The following DPYSL2 variants were observed in gnomAD, a reference collection of about 807,000 sequenced individuals.
DPYSL2 encodes the protein dihydropyrimidinase like 2, also known as dihydropyrimidinase-related protein 2.
Under a neutral mutation model 69.9 loss-of-function variants are expected in DPYSL2, and 13 were observed. That is an observed-to-expected ratio of 0.19 (90% CI 0.12 to 0.30). The LOEUF is 0.30. DPYSL2 is among the 10% of genes least tolerant of loss of function. The pLI is 1.00. For synonymous variants in DPYSL2, 326 were observed against 359.1 expected (o/e 0.91, Z 1.04); for missense variants, 587 against 918.9 (o/e 0.64, Z 4.67).
intron 1 of DPYSL2, among the ~76,000 whole-genome samples, chr8:26,561,149 T>A (rs987429320): frequency 2.0e-5 from 3 of 152,126 alleles, no homozygotes; most frequent in Admixed American, 6.5e-5. Flanking sequence ...GCCCATCGGA[T>A]GTGGGAGTGG....
chr8:26,547,782 C>T (rs1007850406), intron 1 of DPYSL2: 1 of 335,462 alleles, frequency 3.0e-6, no homozygotes, highest in Non-Finnish European at 6.2e-6. Flanking sequence ...AAAATCTTTT[C>T]CAGGAGGCTG....
chr8:26,584,033 T>C lies in DPYSL2; in HGVS notation c.628+50T>C, dbSNP rs745636257. 4.5e-6 allele frequency: 7 copies of C among 1,550,402 alleles called. No individual in the cohort carries two copies. The Admixed American group carries it at 1.3e-4, about 29-fold the overall frequency. On this transcript the variant is annotated intron_variant, in intron 3 of 13. Transcript: ENST00000521913. Reference sequence around the variant, plus strand: ...GTAGTGCTTAGGAAGTGTGAGAGTTTGCAAATAAGTCTATTGTTTGATTCT... The same window carrying C: ...GTAGTGCTTAGGAAGTGTGAGAGTTCGCAAATAAGTCTATTGTTTGATTCT...
chr8:26,528,169 T>G (rs982004274), intron 1 of DPYSL2, among the ~76,000 whole-genome samples: 4 of 152,300 alleles, frequency 2.6e-5, no homozygotes, highest in Admixed American at 2.6e-4. Flanking sequence ...ACAGCACTGG[T>G]GAGGTGGCAC....
Position 26,578,548 on chromosome 8 carries a change from C to T in DPYSL2, c.355-3421C>T, listed in dbSNP as rs1181381221. On this transcript the variant is annotated intron_variant, in intron 1 of 13. Transcript: ENST00000521913. ...GGTAGCCTTAGGTAACGCGCCAGAC[C>T]CGGTCTATCTTTTATTGTCAGTGAG... The T allele has an allele frequency of 4.3e-6, 6 of 1,392,940 alleles. No individual in the cohort carries two copies. In the East Asian group the frequency reaches 8.3e-5, roughly 19 times the overall value. 86.3% of individuals were successfully genotyped at this position (1,392,940 alleles called of 1,614,324 possible).
In DPYSL2 at chr8:26,514,668, A is replaced by G; in HGVS notation, c.343A>G (p.Ile115Val). 3 of 1,400,878 alleles carry G rather than the reference A, an allele frequency of 2.1e-6. No homozygotes were observed. The highest frequency in any genetic ancestry group is 2.8e-6 in the Non-Finnish European group (3 of 1,079,358). 86.8% of individuals were successfully genotyped at this position (1,400,878 alleles called of 1,614,324 possible). The change falls in exon 1 of 14, where the codon ATC becomes GTC. Residue 115 changes from isoleucine to valine, a missense_variant. Around this residue, in one of 3 missense-constraint regions of DPYSL2, gnomAD observed 85 missense variants for 77.7 expected, o/e 1.09. Coordinates refer to ENST00000521913, the MANE Select transcript of DPYSL2 (RefSeq NM_001197293.3). This position sits in a 1 kb window ranked among gnomAD's most constrained non-coding sequence, Gnocchi z 8.4. ...CTCGGGCAAAGAAGCCCTGCAGAACATCAACGACCAGGTCGGTGTGGGGGT... is the reference window on the plus strand; with the variant it reads ...CTCGGGCAAAGAAGCCCTGCAGAACGTCAACGACCAGGTCGGTGTGGGGGT... The part of the protein sequence containing the change: ...RASGKEALQN[I>V]NDQSDRLLIK...
At chr8:26,572,390 A>G (rs1563391252) in intron 1 of DPYSL2, among the ~76,000 whole-genome samples, 1 of 152,206 alleles carries the variant, frequency 6.6e-6, no homozygotes, top group African/African-American at 2.4e-5. Context: ...TGATGCAAAC[A>G]TGTGCAAAGG....
Position 26,514,268 on chromosome 8 carries a change from C to T in DPYSL2, c.-58C>T. ...GGGCTTGTGCACACAGCGAGGGAGACTTAGGGACTGGCAGACGGACGGACG... is the reference window on the plus strand; with the variant it reads ...GGGCTTGTGCACACAGCGAGGGAGATTTAGGGACTGGCAGACGGACGGACG... On this transcript the variant is annotated 5_prime_UTR_variant, in exon 1 of 14. Transcript: ENST00000521913. This position sits in a 1 kb window ranked among gnomAD's most constrained non-coding sequence, Gnocchi z 8.4. 2.2e-6 allele frequency: 3 copies of T among 1,386,022 alleles called. No homozygotes were observed. Among genetic ancestry groups the T allele is most frequent in the East Asian group, 2.7e-5 (1 of 36,640 alleles). 85.9% of individuals were successfully genotyped at this position (1,386,022 alleles called of 1,614,324 possible). A position where few individuals can be genotyped will look rare whatever the true frequency, so the allele number is the denominator to read the frequency against.
chr8:26,618,341 CTT>C (rs775519372), intron 3 of DPYSL2, among the ~76,000 whole-genome samples: 8 of 146,676 alleles, frequency 5.5e-5, no homozygotes, highest in Middle Eastern at 3.5e-3. Flanking sequence ...AATAGACAGT[CTT>C]TATCTGTTGC....
intron 3 of DPYSL2, among the ~76,000 whole-genome samples, chr8:26,613,143 G>A (rs1035764697): frequency 1.3e-5 from 2 of 152,212 alleles, no homozygotes; most frequent in African/African-American, 4.8e-5. Context: ...CCCTGAGGTG[G>A]GGAGCTAGGG....
intron 10 of DPYSL2, among the ~76,000 whole-genome samples, chr8:26,646,771 G>T (rs1803173385): frequency 6.6e-6 from 1 of 152,034 alleles, no homozygotes; most frequent in South Asian, 2.1e-4. Flanking sequence ...TGGGAGGGTT[G>T]CTTGAGCCCA....
rs1315239775 is a variant in DPYSL2 at position 26,626,717 on chromosome 8, T to A, written c.855+39T>A. On this transcript the variant is annotated intron_variant, in intron 5 of 13. Transcript: ENST00000521913. This position sits in a 1 kb window ranked among gnomAD's most constrained non-coding sequence, Gnocchi z 4.3. ...CTTTTCGGAAGAGGCACCCTGACATTTGGTACCTTCAGGCTGTGGCCGTTT... is the reference window on the plus strand; with the variant it reads ...CTTTTCGGAAGAGGCACCCTGACATATGGTACCTTCAGGCTGTGGCCGTTT... 1 of 1,606,042 alleles carries A rather than the reference T, an allele frequency of 6.2e-7. No homozygotes were observed. Among genetic ancestry groups the A allele is most frequent in the Non-Finnish European group, 8.5e-7 (1 of 1,172,900 alleles).
intron 3 of DPYSL2, among the ~76,000 whole-genome samples, chr8:26,595,522 C>T (rs913662799): frequency 2.6e-5 from 4 of 152,156 alleles, no homozygotes; most frequent in South Asian, 2.1e-4. Flanking sequence ...CAAGCCCCTC[C>T]GTTTTTCATG....
intron 1 of DPYSL2, among the ~76,000 whole-genome samples, chr8:26,537,345 A>C (rs1184724179): frequency 6.6e-6 from 1 of 152,098 alleles, no homozygotes; most frequent in East Asian, 1.9e-4. Context: ...CAAGTTCAGG[A>C]GCTGCAGGAT....
intron 1 of DPYSL2, among the ~76,000 whole-genome samples, chr8:26,559,609 GCTTTT>G (rs1376064773): frequency 6.6e-6 from 1 of 151,896 alleles, no homozygotes; most frequent in Non-Finnish European, 1.5e-5. Flanking sequence ...TGGTTCATGT[GCTTTT>G]CTTAGTTCTT....
Position 26,647,103 on chromosome 8 carries a change from AT to A in DPYSL2, c.1426-518del, listed in dbSNP as rs907401484. Among the ~76,000 whole-genome samples, 3 of 151,752 alleles carry A rather than the reference AT, an allele frequency of 2.0e-5. No homozygotes were observed. Among genetic ancestry groups the A allele is most frequent in the Non-Finnish European group, 4.4e-5 (3 of 67,918 alleles). Reference sequence around the variant, plus strand: ...ATTGCCACCCCTGCAAATTAAACGAATTTTTTTTTGTTTTGAAATAATTATA... The same window carrying A: ...ATTGCCACCCCTGCAAATTAAACGAATTTTTTTTGTTTTGAAATAATTATA... On this transcript the variant is annotated intron_variant, in intron 10 of 13. Transcript: ENST00000521913. The surrounding 1 kb of genome is among the most constrained non-coding windows in gnomAD (Gnocchi z 5.1).
At chr8:26,601,317 C>G (rs763061604) in intron 3 of DPYSL2, among the ~76,000 whole-genome samples, 1 of 152,118 alleles carries the variant, frequency 6.6e-6, no homozygotes, top group Admixed American at 6.5e-5. Flanking sequence ...CATCTGGCTC[C>G]GGGGCCAGCA....
chr8:26,636,681 C>T (rs1802923680), intron 8 of DPYSL2, among the ~76,000 whole-genome samples: 1 of 152,062 alleles, frequency 6.6e-6, no homozygotes, highest in Non-Finnish European at 1.5e-5. Flanking sequence ...TTGCGGTGCC[C>T]AGTTTGGACC....
At chr8:26,518,842 G>T (rs1216826151) in intron 1 of DPYSL2, among the ~76,000 whole-genome samples, 1 of 152,134 alleles carries the variant, frequency 6.6e-6, no homozygotes, top group African/African-American at 2.4e-5. Flanking sequence ...AGTCTTTAAT[G>T]ATTTAAAAAG....
rs1214866914 is a variant in DPYSL2, at chr8:26,655,783, CTTTTT to C, written c.*86_*90del. 89 of 892,144 alleles carry C rather than the reference CTTTTT, an allele frequency of 1.0e-4. No homozygotes were observed. The South Asian group carries it at 2.2e-3, about 22-fold the overall frequency. 55.3% of individuals were successfully genotyped at this position (892,144 alleles called of 1,614,324 possible). ...CATTCTGAGACTTCTTTCTTCCTTC[CTTTTT>C]TTTTTTTTGTTTTTTTTTTTAAGAG... On this transcript the variant is annotated 3_prime_UTR_variant, in exon 14 of 14. Transcript: ENST00000521913.
Sources: allele counts gnomAD v4.1 joint callset (sites outside exome capture counted in the v4.1 genomes callset), GRCh38; gene constraint gnomAD v4.1.1; regional missense constraint gnomAD v4.1.1; non-coding constraint Gnocchi (gnomAD v3.1); transcripts MANE v1.5; gene names NCBI Gene and HGNC (gene_info 2026-07-23, HGNC 2026-07-21).